Variants in TMEM272 observed in about 807,000 individuals in gnomAD.
TMEM272 encodes the protein transmembrane protein 272, also known as long intergenic non-protein coding RNA 282.
TMEM272 carries 8 observed loss-of-function variants against 3.7 expected under a neutral mutation model. The observed-to-expected ratio is 2.17, with a 90% CI of 1.27 to 3.91. TMEM272 has a LOEUF of 3.91. TMEM272 is among the 30% of genes most tolerant of loss of function. TMEM272 has a pLI of 0.00. For missense variants in TMEM272, 166 were observed against 91.5 expected (o/e 1.81, Z -3.32); for synonymous variants, 63 against 39.8 (o/e 1.58, Z -2.20).
chr13:51,901,195 C>T, the TMEM272 span, among the ~76,000 whole-genome samples: 1 of 152,138 alleles, frequency 6.6e-6, no homozygotes, highest in African/African-American at 2.4e-5. Context: ...TCCACACAAC[C>T]TCATCTGTAC....
rs1743319741 is a variant in TMEM272 at position 51,813,506 on chromosome 13, T to C, written c.*3245A>G. 2 of 366,494 alleles carry C rather than the reference T, an allele frequency of 5.5e-6. No individual in the cohort carries two copies. The highest frequency in any genetic ancestry group is 9.7e-6 in the Non-Finnish European group (2 of 206,628). The allele number at this position is 366,494 out of a possible 1,614,324, so 22.7% of individuals were successfully genotyped here. A position where few individuals can be genotyped will look rare whatever the true frequency, so the allele number is the denominator to read the frequency against. ...CGAAGTACTGGAAGTGACATTATAT[T>C]GTCCTCATGGTGACAACCAGGATGG... On this transcript the variant is annotated 3_prime_UTR_variant, in exon 5 of 5. Coordinates refer to ENST00000629372, the MANE Select transcript of TMEM272 (RefSeq NM_001351003.2).
the TMEM272 span, among the ~76,000 whole-genome samples, chr13:51,851,597 TCAC>T: frequency 0.015 from 2,119 of 145,628 alleles, 53 homozygotes; most frequent in African/African-American, 0.052. Context: ...TGTCCTCGGC[TCAC>T]CACAACCTCC....
the TMEM272 span, among the ~76,000 whole-genome samples, chr13:51,868,555 T>C: frequency 1.3e-5 from 2 of 152,258 alleles, no homozygotes; most frequent in South Asian, 4.1e-4. Context: ...TTATTAATAC[T>C]GTTAGCACAA....
intron 2 of TMEM272, among the ~76,000 whole-genome samples, chr13:51,835,829 T>C (rs1458101960): frequency 2.0e-5 from 3 of 152,240 alleles, no homozygotes; most frequent in African/African-American, 7.2e-5. Context: ...TTTAAGTTTT[T>C]AAATTTTTTA....
chr13:51,836,795 T>C (rs188570861), intron 2 of TMEM272, among the ~76,000 whole-genome samples: 2 of 152,186 alleles, frequency 1.3e-5, no homozygotes, highest in East Asian at 3.9e-4. Context: ...GAAACACATG[T>C]TGGAAGGCCC....
chr13:51,881,775 A>T, the TMEM272 span, among the ~76,000 whole-genome samples: 1 of 152,190 alleles, frequency 6.6e-6, no homozygotes, highest in African/African-American at 2.4e-5. Flanking sequence ...AGCTCTCACC[A>T]GACACCAAAT....
the TMEM272 span, chr13:51,934,235 C>G: frequency 1.8e-5 from 4 of 219,560 alleles, no homozygotes; most frequent in African/African-American, 6.8e-5. Flanking sequence ...AGAAAAGGAA[C>G]AGACTATGTA....
At chr13:51,834,085 T>A (rs1196565696) in intron 2 of TMEM272, among the ~76,000 whole-genome samples, 1 of 152,130 alleles carries the variant, frequency 6.6e-6, no homozygotes, top group Non-Finnish European at 1.5e-5. Context: ...TTGACACCGG[T>A]GCTGACCTGA....
the TMEM272 span, among the ~76,000 whole-genome samples, chr13:51,861,382 T>C: frequency 3.9e-5 from 6 of 152,146 alleles, no homozygotes; most frequent in African/African-American, 1.4e-4. Flanking sequence ...AGGGTAACTA[T>C]ATGAGATGAT....
the TMEM272 span, among the ~76,000 whole-genome samples, chr13:51,853,278 C>T: frequency 4.6e-5 from 7 of 152,106 alleles, no homozygotes; most frequent in East Asian, 3.9e-4. Context: ...GGCTTCGTGG[C>T]GCATGCCAGT....
chr13:51,916,490 C>G, the TMEM272 span, among the ~76,000 whole-genome samples: 9 of 152,236 alleles, frequency 5.9e-5, no homozygotes, highest in African/African-American at 2.2e-4. Flanking sequence ...ATCATCAACG[C>G]ATTCTTCCCT....
chr13:51,903,970 T>TGTGTGTGTGTGTGTGTGTGC, the TMEM272 span, among the ~76,000 whole-genome samples: 1 of 151,774 alleles, frequency 6.6e-6, no homozygotes, highest in Non-Finnish European at 1.5e-5. Context: ...TGTGTGTGTG[T>TGTGTGTGTGTGTGTGTGTGC]GTTTAGAAAG....
chr13:51,854,816 T>G, the TMEM272 span, among the ~76,000 whole-genome samples: 1 of 152,200 alleles, frequency 6.6e-6, no homozygotes, highest in Non-Finnish European at 1.5e-5. Flanking sequence ...TTAATTATTA[T>G]TATTGATTTA....
the TMEM272 span, chr13:51,865,538 G>T: frequency 6.2e-7 from 1 of 1,614,236 alleles, no homozygotes; most frequent in Non-Finnish European, 8.5e-7. Flanking sequence ...TTTTCGCGAA[G>T]AGATGAAAAT....
chr13:51,930,765 C>T, the TMEM272 span, among the ~76,000 whole-genome samples: 1 of 150,488 alleles, frequency 6.6e-6, no homozygotes, highest in Non-Finnish European at 1.5e-5. Flanking sequence ...AAAAAAAAAC[C>T]CCTGCAATTC....
chr13:51,884,768 G>A, the TMEM272 span, among the ~76,000 whole-genome samples: 11 of 152,142 alleles, frequency 7.2e-5, no homozygotes, highest in Non-Finnish European at 1.5e-4. Flanking sequence ...ACTTAAAATG[G>A]AGCCTACCCC....
At chr13:51,915,042 A>T in the TMEM272 span, among the ~76,000 whole-genome samples, 1 of 152,260 alleles carries the variant, frequency 6.6e-6, no homozygotes, top group Non-Finnish European at 1.5e-5. Flanking sequence ...TAGAATGTAA[A>T]TACTTCACGG....
chr13:51,851,566 C>A, the TMEM272 span, among the ~76,000 whole-genome samples: 719 of 138,586 alleles, frequency 5.2e-3, 6 homozygotes, highest in African/African-American at 0.019. Context: ...GTTCTGTTAC[C>A]CAGGCTAGAG....
At chr13:51,902,622 G>T in the TMEM272 span, among the ~76,000 whole-genome samples, 1 of 152,174 alleles carries the variant, frequency 6.6e-6, no homozygotes, top group African/African-American at 2.4e-5. Flanking sequence ...TGCCAGCCAG[G>T]CCAGTGAGCC....
Sources: allele counts gnomAD v4.1 joint callset (sites outside exome capture counted in the v4.1 genomes callset), GRCh38; gene constraint gnomAD v4.1.1; transcripts MANE v1.5; gene names NCBI Gene and HGNC (gene_info 2026-07-23, HGNC 2026-07-21).